Variants in BMP15 observed in about 807,000 individuals in gnomAD.
BMP15 encodes the protein bone morphogenetic protein 15.
A neutral mutation model predicts 4.4 loss-of-function variants in BMP15; 5 were observed. That is an observed-to-expected ratio of 1.13 (90% CI 0.59 to 2.38). The LOEUF is 2.38. Ranked by LOEUF, BMP15 falls within the 30% of genes most tolerant of loss-of-function variation. The pLI, the probability that BMP15 is intolerant of heterozygous loss-of-function variation, is 0.01. For synonymous variants in BMP15, 125 were observed against 114.6 expected (o/e 1.09, Z -0.58); for missense variants, 339 against 309.8 (o/e 1.09, Z -0.71).
In BMP15 at chrX:50,910,818, T is replaced by A; in HGVS notation, c.35T>A (p.Leu12His). Residue 12 changes from leucine to histidine, a missense_variant, in exon 1 of 2, where the codon CTT becomes CAT. Leu to His is a moderately conservative substitution (Grantham distance 99, BLOSUM62 -3). Coordinates refer to ENST00000252677, the MANE Select transcript of BMP15 (RefSeq NM_005448.2). Reference protein sequence around the residue: ...VLLSILRILFLCELVLFMEHR... With the variant: ...VLLSILRILFHCELVLFMEHR... The stretch of plus-strand genomic sequence containing the variant: ...CTCAGTATTCTTAGAATTCTTTTTC[T>A]TTGTGAACTCGTGCTTTTCATGGAA... The A allele has an allele frequency of 8.3e-7, 1 of 1,209,541 alleles. No homozygotes were observed. The highest frequency in any genetic ancestry group is 1.1e-6 in the Non-Finnish European group (1 of 894,231).
In BMP15 at chrX:50,915,839, C is replaced by T. The variant is rs782687146; in HGVS notation, c.411C>T (p.Tyr137=). The T allele has an allele frequency of 8.3e-7, 1 of 1,211,466 alleles. No homozygotes were observed. Among genetic ancestry groups the T allele is most frequent in the Non-Finnish European group, 1.1e-6 (1 of 895,422 alleles). ...LYQLVRATVV[Y]RHHLQLTRFN... is the part of the protein sequence containing the mutation. ...AACTAGTTAGAGCCACTGTGGTTTACCGCCATCATCTCCAACTAACTCGCT... is the reference window on the plus strand; with the variant it reads ...AACTAGTTAGAGCCACTGTGGTTTATCGCCATCATCTCCAACTAACTCGCT... The change falls in exon 2 of 2, where the codon TAC becomes TAT. Residue 137 remains tyrosine (Y), a synonymous_variant. Transcript: ENST00000252677.
intron 1 of BMP15, among the ~76,000 whole-genome samples, chrX:50,914,034 A>G (rs146919536): frequency 0.019 from 2,131 of 111,863 alleles, 57 homozygotes; most frequent in African/African-American, 0.066. Flanking sequence ...GCAGTGGCAC[A>G]AACTCGGCTC....
At chrX:50,914,711 T>C (rs1923090579) in intron 1 of BMP15, among the ~76,000 whole-genome samples, 1 of 111,936 alleles carries the variant, frequency 8.9e-6, no homozygotes, top group African/African-American at 3.2e-5. Context: ...CAAATTAACA[T>C]GGAATTATTT....
rs782239997 is a variant in BMP15 at position 50,914,093 on chromosome X, C to T, written c.329-1664C>T. Among the ~76,000 whole-genome samples the T allele has an allele frequency of 2.7e-5, 3 of 111,741 alleles. No homozygotes were observed. In the East Asian group the frequency reaches 8.5e-4, roughly 32 times the overall value. On this transcript the variant is annotated intron_variant, in intron 1 of 1. Coordinates refer to ENST00000252677, the MANE Select transcript of BMP15 (RefSeq NM_005448.2). ...GCACGCCATTCTCCTGCCTCAGCCT[C>T]CCGAGTAGCTGGGATTACAGGTGCC...
chrX:50,912,090 C>A (rs1158257475), intron 1 of BMP15, among the ~76,000 whole-genome samples: 1 of 111,730 alleles, frequency 9.0e-6, no homozygotes, highest in Non-Finnish European at 1.9e-5. Context: ...TATTCTCGTA[C>A]CTAACCCTTA....
chrX:50,916,178 C>T lies in BMP15; in HGVS notation c.750C>T (p.Pro250=), dbSNP rs1557280326. 2 of 1,209,127 alleles carry T rather than the reference C, an allele frequency of 1.7e-6. No individual in the cohort carries two copies. Among genetic ancestry groups the T allele is most frequent in the African/African-American group, 1.8e-5 (1 of 55,619 alleles). The change falls in exon 2 of 2, where the codon CCC becomes CCT. Residue 250 remains proline, a synonymous_variant. Coordinates refer to ENST00000252677, the MANE Select transcript of BMP15 (RefSeq NM_005448.2). ...HKSIRKAKFL[P]RGMEEFMERE... ...GCATTCGGAAGGCTAAATTTCTTCC[C>T]AGGGGCATGGAGGAGTTCATGGAAA... is the stretch of plus-strand genomic sequence containing the variant.
chrX:50,916,042 T>G lies in BMP15; in HGVS notation c.614T>G (p.Leu205Arg). The G allele has an allele frequency of 8.3e-7, 1 of 1,211,974 alleles. No homozygotes were observed. Among genetic ancestry groups the G allele is most frequent in the Non-Finnish European group, 1.1e-6 (1 of 895,563 alleles). ...AACAAGGGACACAGGATCCTACGAC[T>G]CCGTTTTATGTGTCAGCAGCAAAAA... ...WNNKGHRILR[L>R]RFMCQQQKDS... Residue 205 changes from leucine to arginine, a missense_variant, in exon 2 of 2, where the codon CTC (leucine) becomes CGC (arginine). Coordinates refer to ENST00000252677, the MANE Select transcript of BMP15 (RefSeq NM_005448.2).
At chrX:50,912,609 T>C (rs972299964) in intron 1 of BMP15, among the ~76,000 whole-genome samples, 4 of 111,148 alleles carry the variant, frequency 3.6e-5, no homozygotes, top group East Asian at 2.8e-4. Context: ...AGGTCATGCA[T>C]TGAGGCAGAT....
At chrX:50,913,448 G>A in intron 1 of BMP15, among the ~76,000 whole-genome samples, 1 of 110,710 alleles carries the variant, frequency 9.0e-6, no homozygotes, top group East Asian at 2.9e-4. Flanking sequence ...GTGACAGTGA[G>A]GCCCTGTCTC....
chrX:50,914,583 GA>G (rs1250902585), intron 1 of BMP15, among the ~76,000 whole-genome samples: 8 of 110,298 alleles, frequency 7.3e-5, no homozygotes, highest in African/African-American at 1.3e-4. Flanking sequence ...GGAGACTCTG[GA>G]AAAAAAAATT....
chrX:50,911,668 T>C (rs1923019049), intron 1 of BMP15, among the ~76,000 whole-genome samples: 1 of 111,869 alleles, frequency 8.9e-6, no homozygotes, highest in Non-Finnish European at 1.9e-5. Flanking sequence ...AGAGGTTAAG[T>C]AACTTGCAAA....
intron 1 of BMP15, among the ~76,000 whole-genome samples, chrX:50,911,619 T>C (rs1923018185): frequency 9.0e-6 from 1 of 111,694 alleles, no homozygotes; most frequent in South Asian, 3.8e-4. Flanking sequence ...ATCTTAACTG[T>C]CTTGATGCAA....
At chrX:50,913,828 G>A (rs1295381724) in intron 1 of BMP15, among the ~76,000 whole-genome samples, 2 of 111,219 alleles carry the variant, frequency 1.8e-5, no homozygotes, top group Admixed American at 1.9e-4. Flanking sequence ...GTTTAAGGGT[G>A]GGCCTCTAAG....
At chrX:50,913,497 T>A (rs1010994604) in intron 1 of BMP15, among the ~76,000 whole-genome samples, 6 of 110,711 alleles carry the variant, frequency 5.4e-5, no homozygotes, top group Non-Finnish European at 7.6e-5. Flanking sequence ...TAAGAAAAAA[T>A]TAGGCTTGTA....
intron 1 of BMP15, among the ~76,000 whole-genome samples, chrX:50,914,127 C>G (rs1266731315): frequency 9.0e-6 from 1 of 111,615 alleles, no homozygotes; most frequent in African/African-American, 3.3e-5. Flanking sequence ...CCTGCCACCA[C>G]GCCCGGCTAA....
rs1165806087 is a variant in BMP15 at position 50,915,784 on chromosome X, T to A, written c.356T>A (p.Phe119Tyr). Residue 119 changes from phenylalanine (F) to tyrosine (Y), a missense_variant, in exon 2 of 2, where the codon TTT becomes TAT. By Grantham distance (22) the Phe-to-Tyr change is conservative (BLOSUM62 3). Transcript: ENST00000252677. ...ACCTGGCATATACAGATCCTGGGCTTTCCTCTCAGACCAAACCGAGGACTA... is the reference window on the plus strand; with the variant it reads ...ACCTGGCATATACAGATCCTGGGCTATCCTCTCAGACCAAACCGAGGACTA... ...RGTWHIQILGFPLRPNRGLYQ... is the reference protein window; with the variant it reads ...RGTWHIQILGYPLRPNRGLYQ... The A allele has an allele frequency of 8.3e-7, 1 of 1,209,556 alleles. No individual in the cohort carries two copies. Among genetic ancestry groups the A allele is most frequent in the Non-Finnish European group, 1.1e-6 (1 of 895,115 alleles).
rs782306478 is a variant in BMP15, at chrX:50,916,414, G to A, written c.986G>A (p.Arg329His). ...AAAGGAACTTGTCTCCGAGTACTAC[G>A]CGATGGTCTCAATTCCCCCAATCAC... ...YCKGTCLRVL[R>H]DGLNSPNHAI... The change falls in exon 2 of 2, where the codon CGC becomes CAC. Residue 329 changes from arginine (R) to histidine (H), a missense_variant. Arg to His is a conservative substitution (Grantham distance 29). Coordinates refer to ENST00000252677, the MANE Select transcript of BMP15 (RefSeq NM_005448.2). The A allele has an allele frequency of 2.7e-5, 33 of 1,208,955 alleles. No homozygotes were observed. The highest frequency in any genetic ancestry group is 3.4e-5 in the Non-Finnish European group (30 of 893,617).
Position 50,910,868 on chromosome X carries a change from G to C in BMP15, c.85G>C (p.Gly29Arg), listed in dbSNP as rs782227942. 3 of 1,208,153 alleles carry C rather than the reference G, an allele frequency of 2.5e-6. No individual in the cohort carries two copies. The East Asian group carries it at 8.9e-5, about 36-fold the overall frequency. ...ACACAGGGCCCAAATGGCAGAAGGA[G>C]GGCAGTCCTCTATTGCCCTTCTGGC... ...MEHRAQMAEGGQSSIALLAEA... is the reference protein window; with the variant it reads ...MEHRAQMAEGRQSSIALLAEA... The change falls in exon 1 of 2, where the codon GGG (glycine) becomes CGG (arginine). Residue 29 changes from glycine to arginine, a missense_variant. By Grantham distance (125) the Gly-to-Arg change is moderately radical. Transcript: ENST00000252677.
chrX:50,910,997 G>A lies in BMP15; in HGVS notation c.214G>A (p.Glu72Lys). 1 of 1,192,848 alleles carries A rather than the reference G, an allele frequency of 8.4e-7. No individual in the cohort carries two copies. Among genetic ancestry groups the A allele is most frequent in the East Asian group, 3.1e-5 (1 of 32,721 alleles). ...AGGGCATTCACTGCGGTACATGCTG[G>A]AGTTGTACCGGCGTTCAGCTGACTC... ...LLGHSLRYMLELYRRSADSHG... is the reference protein window; with the variant it reads ...LLGHSLRYMLKLYRRSADSHG... The change falls in exon 1 of 2, where the codon GAG (glutamate) becomes AAG (lysine). Residue 72 changes from glutamate (E) to lysine (K), a missense_variant. Glu to Lys is a moderately conservative substitution (Grantham distance 56, BLOSUM62 1). Coordinates refer to ENST00000252677, the MANE Select transcript of BMP15 (RefSeq NM_005448.2).
Sources: gnomAD v4.1 joint callset for allele counts (sites outside exome capture counted in the v4.1 genomes callset) on GRCh38, gnomAD v4.1.1 for gene constraint, MANE v1.5 for transcripts, NCBI Gene and HGNC (gene_info 2026-07-23, HGNC 2026-07-21) for gene names.